The following GRIP1 variants were observed in gnomAD, a reference collection of about 807,000 sequenced individuals.
The protein encoded by GRIP1 is glutamate receptor interacting protein 1, also known as glutamate receptor-interacting protein 1.
Under a neutral mutation model 129.9 loss-of-function variants are expected in GRIP1, and 45 were observed. The observed-to-expected ratio is 0.35, with a 90% CI of 0.27 to 0.44. The LOEUF (loss-of-function observed/expected upper bound fraction) is 0.44. Among genes scored for constraint, GRIP1 ranks in the 20% least tolerant of loss-of-function variants. The probability of loss-of-function intolerance (pLI) is 1.00; values close to 1 mark genes in which losing one functional copy is unlikely to be tolerated. For missense variants in GRIP1, 1,196 were observed against 1,396.8 expected, an observed-to-expected ratio of 0.86 and a Z score of 2.29; for synonymous variants, 530 against 520.8, an observed-to-expected ratio of 1.02 and a Z score of -0.24.
At chr12:66,882,391 G>C (rs886966753) in intron 1 of GRIP1, among the ~76,000 whole-genome samples, 2 of 152,124 alleles carry the variant, frequency 1.3e-5, no homozygotes, top group Non-Finnish European at 2.9e-5. Context: ...ACTAATACCT[G>C]TTTTGTACTT....
intron 1 of GRIP1, among the ~76,000 whole-genome samples, chr12:67,008,012 C>G (rs1409063008): frequency 6.6e-6 from 1 of 152,124 alleles, no homozygotes; most frequent in African/African-American, 2.4e-5. Context: ...AATAACAACT[C>G]ATGAATAAAG....
chr12:66,528,029 T>C (rs184788919), intron 5 of GRIP1, among the ~76,000 whole-genome samples: 38 of 152,314 alleles, frequency 2.5e-4, no homozygotes, highest in African/African-American at 8.9e-4. Context: ...AAGCTCATTG[T>C]CATCCTATGA....
chr12:66,857,101 T>C (rs2040019046), intron 1 of GRIP1, among the ~76,000 whole-genome samples: 1 of 152,034 alleles, frequency 6.6e-6, no homozygotes, highest in South Asian at 2.1e-4. Context: ...GAAACCATCA[T>C]TCTCAGCAAA....
chr12:66,386,094 G>T (rs1207373372), intron 19 of GRIP1, among the ~76,000 whole-genome samples: 1 of 152,074 alleles, frequency 6.6e-6, no homozygotes, highest in Non-Finnish European at 1.5e-5. Context: ...ATAAAAAATA[G>T]GTCTTTATTT....
chr12:66,936,283 G>A (rs1045700027), intron 1 of GRIP1, among the ~76,000 whole-genome samples: 3 of 151,964 alleles, frequency 2.0e-5, no homozygotes, highest in Non-Finnish European at 4.4e-5. Flanking sequence ...AAAATCAGCC[G>A]AGCATGGTGG....
At chr12:66,659,257 A>G (rs17181854) in intron 1 of GRIP1, among the ~76,000 whole-genome samples, 43,034 of 152,144 alleles carry the variant, frequency 0.28, 6,546 homozygotes, top group Middle Eastern at 0.4. Flanking sequence ...TCTGCATAAC[A>G]TTGAGTGTGC....
intron 1 of GRIP1, among the ~76,000 whole-genome samples, chr12:67,067,148 G>A (rs1259935137): frequency 6.6e-6 from 1 of 151,878 alleles, no homozygotes; most frequent in Non-Finnish European, 1.5e-5. Context: ...TCCTATTGGG[G>A]GAGATAAGGC....
At chr12:66,552,417 T>C (rs532195542) in intron 2 of GRIP1, among the ~76,000 whole-genome samples, 9 of 147,252 alleles carry the variant, frequency 6.1e-5, no homozygotes, top group African/African-American at 2.2e-4. Context: ...CAGTTTATAC[T>C]TTTCCAAGTA....
chr12:66,694,023 C>A (rs949237887), intron 1 of GRIP1, among the ~76,000 whole-genome samples: 1 of 152,186 alleles, frequency 6.6e-6, no homozygotes, highest in Non-Finnish European at 1.5e-5. Flanking sequence ...CTCTCAGGGC[C>A]ACTGCCAGCC....
chr12:66,488,683 G>A (rs1478021137), intron 7 of GRIP1, among the ~76,000 whole-genome samples: 1 of 146,378 alleles, frequency 6.8e-6, no homozygotes, highest in Non-Finnish European at 1.5e-5. Context: ...ACGAATCTAG[G>A]AGCTGCTTTT....
intron 1 of GRIP1, among the ~76,000 whole-genome samples, chr12:66,951,872 T>C (rs2041763577): frequency 6.6e-6 from 1 of 152,074 alleles, no homozygotes; most frequent in Non-Finnish European, 1.5e-5. Flanking sequence ...ATTACAGACC[T>C]GATGACAGTG....
intron 1 of GRIP1, among the ~76,000 whole-genome samples, chr12:66,747,272 A>G (rs1238444737): frequency 2.6e-5 from 4 of 152,162 alleles, no homozygotes; most frequent in African/African-American, 9.7e-5. Context: ...TAAACTACTT[A>G]AAAATTGAAA....
intron 1 of GRIP1, among the ~76,000 whole-genome samples, chr12:66,769,138 G>T (rs1270523929): frequency 6.6e-6 from 1 of 152,172 alleles, no homozygotes; most frequent in African/African-American, 2.4e-5. Flanking sequence ...AAGTTCTCAG[G>T]TGATGCGGAT....
rs140770007 is a variant in GRIP1 at position 66,623,202 on chromosome 12, A to T, written c.56-26275T>A. Among the ~76,000 whole-genome samples the T allele has an allele frequency of 1.5e-3, 225 of 152,296 alleles. 1 individual carries two copies. The highest frequency in any genetic ancestry group is 5.0e-3 in the African/African-American group (210 of 41,586). ...GGAGAGGCATAACATTTAGAGATATAGCCTAAGTCTCTCTGCTTTTCTTAA... is the reference window on the plus strand; with the variant it reads ...GGAGAGGCATAACATTTAGAGATATTGCCTAAGTCTCTCTGCTTTTCTTAA... On this transcript the variant is annotated intron_variant, in intron 1 of 24. Transcript: ENST00000359742.
chr12:66,767,893 C>T (rs749744324), intron 1 of GRIP1, among the ~76,000 whole-genome samples: 1 of 152,162 alleles, frequency 6.6e-6, no homozygotes, highest in Non-Finnish European at 1.5e-5. Context: ...GGTACAACAA[C>T]TCATTTGTAA....
At chr12:66,664,729 T>C (rs1448885761) in intron 1 of GRIP1, among the ~76,000 whole-genome samples, 1 of 152,200 alleles carries the variant, frequency 6.6e-6, no homozygotes, top group Non-Finnish European at 1.5e-5. Flanking sequence ...TTGACATAGG[T>C]ACATAATATA....
At chr12:66,663,430 G>A (rs2033624971) in intron 1 of GRIP1, among the ~76,000 whole-genome samples, 2 of 152,082 alleles carry the variant, frequency 1.3e-5, no homozygotes, top group South Asian at 4.1e-4. Context: ...ACCATCTGGG[G>A]GGCCAATCAG....
chr12:66,501,686 TTCAG>T lies in GRIP1; in HGVS notation c.724+13929_724+13932del, dbSNP rs1022896749. Among the ~76,000 whole-genome samples, 8 of 152,276 alleles carry T rather than the reference TTCAG, an allele frequency of 5.3e-5. No individual in the cohort carries two copies. In the East Asian group the frequency reaches 7.7e-4, roughly 15 times the overall value. ...AGAGAGATCGCCTCCCCTGACAGAATTCAGTCAGTTTTTCCTATTTTTAAAATAT... is the reference window on the plus strand; with the variant it reads ...AGAGAGATCGCCTCCCCTGACAGAATTCAGTTTTTCCTATTTTTAAAATAT... On this transcript the variant is annotated intron_variant, in intron 7 of 24. Transcript: ENST00000359742.
chr12:66,862,334 G>GA (rs1220929848), intron 1 of GRIP1, among the ~76,000 whole-genome samples: 1 of 151,992 alleles, frequency 6.6e-6, no homozygotes. Flanking sequence ...TAATGGTGAT[G>GA]AAAAAAGAAC....
Sources: allele counts gnomAD v4.1 joint callset (sites outside exome capture counted in the v4.1 genomes callset), GRCh38; gene constraint gnomAD v4.1.1; transcripts MANE v1.5; gene names NCBI Gene and HGNC (gene_info 2026-07-23, HGNC 2026-07-21).